The following RNF208 variants were observed in gnomAD, a reference collection of about 807,000 sequenced individuals.
The protein encoded by RNF208 is ring finger protein 208.
A neutral mutation model predicts 15.2 loss-of-function variants in RNF208; 7 were observed. That is an observed-to-expected ratio of 0.46 (90% confidence interval 0.26 to 0.86). RNF208 has a LOEUF of 0.86. Among genes scored for constraint, RNF208 ranks in the 40% least tolerant of loss-of-function variants. The probability of loss-of-function intolerance (pLI) is 0.16; values close to 1 mark genes in which losing one functional copy is unlikely to be tolerated. For missense variants in RNF208, 342 were observed against 364.1 expected, an observed-to-expected ratio of 0.94 and a Z score of 0.49; for synonymous variants, 211 against 163.2, an observed-to-expected ratio of 1.29 and a Z score of -2.23.
In RNF208 at chr9:137,220,934, T is replaced by C. The variant is rs1835855858; in HGVS notation, c.279A>G (p.Pro93=). The C allele has an allele frequency of 1.9e-6, 3 of 1,551,234 alleles. No individual in the cohort carries two copies. Among genetic ancestry groups the C allele is most frequent in the African/African-American group, 2.7e-5 (2 of 73,706 alleles). ...TTCCCTTACGGGGCCGCCGTGGCAGTGGCGGGGTATGGGGTGCCCCTTCCA... is the reference window on the plus strand; with the variant it reads ...TTCCCTTACGGGGCCGCCGTGGCAGCGGCGGGGTATGGGGTGCCCCTTCCA... ...PALEGAPHTP[P]LPRRPRKGSS... The change falls in exon 2 of 2, where the codon CCA becomes CCG. Residue 93 remains proline (P), a synonymous_variant. Coordinates refer to ENST00000391553, the MANE Select transcript of RNF208 (RefSeq NM_031297.7).
At chr9:137,223,303 C>A (rs979860356), upstream of RNF208, among the ~76,000 whole-genome samples, 2 of 152,212 alleles carry the variant, frequency 1.3e-5, no homozygotes, top group African/African-American at 4.8e-5. Context: ...GGGGCCCTGG[C>A]AAGATGGTGG....
chr9:137,220,996 T>C lies in RNF208; in HGVS notation c.217A>G (p.Ile73Val), dbSNP rs1477926375. 2 of 1,568,934 alleles carry C rather than the reference T, an allele frequency of 1.3e-6. No individual in the cohort carries two copies. The highest frequency in any genetic ancestry group is 2.3e-5 in the East Asian group (1 of 43,608). Reference protein sequence around the residue: ...KRAWPSDTEIIVNQACGGDMP... With the variant: ...KRAWPSDTEIVVNQACGGDMP... ...TCCCCCCCACAGGCCTGGTTGACAATGATCTCTGTGTCTGAGGGCCAGGCA... is the reference window on the plus strand; with the variant it reads ...TCCCCCCCACAGGCCTGGTTGACAACGATCTCTGTGTCTGAGGGCCAGGCA... The change falls in exon 2 of 2, where the codon ATT becomes GTT. Residue 73 changes from isoleucine (I) to valine (V), a missense_variant. Ile to Val is a conservative substitution (Grantham distance 29, BLOSUM62 3). This residue lies in a region of RNF208 where 207 missense variants were observed against 193.7 expected (regional missense o/e 1.07). Coordinates refer to ENST00000391553, the MANE Select transcript of RNF208 (RefSeq NM_031297.7).
chr9:137,221,024 C>G lies in RNF208; in HGVS notation c.189G>C (p.Lys63Asn), dbSNP rs1835858437. The G allele has an allele frequency of 6.3e-7, 1 of 1,586,532 alleles. No individual in the cohort carries two copies. Among genetic ancestry groups the G allele is most frequent in the Non-Finnish European group, 8.6e-7 (1 of 1,166,076 alleles). The change falls in exon 2 of 2, where the codon AAG becomes AAC. Residue 63 changes from lysine to asparagine, a missense_variant. Physicochemically the swap from Lys to Asn is moderately conservative, Grantham distance 94 (BLOSUM62 0). This residue lies in a region of RNF208 where 207 missense variants were observed against 193.7 expected (regional missense o/e 1.07). Transcript: ENST00000391553. ...TCTCTGTGTCTGAGGGCCAGGCACG[C>G]TTGGGTGCCAGAGTTGGGGTGGGCC... The part of the protein sequence containing the change: ...APRPTPTLAP[K>N]RAWPSDTEII...
chr9:137,220,827 G>A lies in RNF208; in HGVS notation c.386C>T (p.Ala129Val), dbSNP rs752555109. The A allele has an allele frequency of 1.2e-6, 2 of 1,607,760 alleles. No individual in the cohort carries two copies. Among genetic ancestry groups the A allele is most frequent in the Non-Finnish European group, 1.7e-6 (2 of 1,177,408 alleles). ...NQYVIRPGPS[A>V]SAASSAAAGE... ...TGCCGCCGCCGAAGAAGCCGCCGAG[G>A]CCGAGGGGCCAGGCCGAATCACGTA... Residue 129 changes from alanine (A) to valine (V), a missense_variant, in exon 2 of 2, where the codon GCC (alanine) becomes GTC (valine). Physicochemically the swap from Ala to Val is moderately conservative, Grantham distance 64. Coordinates refer to ENST00000391553, the MANE Select transcript of RNF208 (RefSeq NM_031297.7).
intron 1 of RNF208, among the ~76,000 whole-genome samples, 29 bp downstream of exon 1, chr9:137,221,960 C>T (rs1303346682): frequency 6.6e-6 from 1 of 152,066 alleles, no homozygotes; most frequent in African/African-American, 2.4e-5. Context: ...GCGCTGAGTC[C>T]GCCCCCGGCC....
Position 137,221,191 on chromosome 9 carries a change from C to G in RNF208, c.22G>C (p.Glu8Gln). Residue 8 changes from glutamate to glutamine, a missense_variant, in exon 2 of 2, where the codon GAG becomes CAG. Coordinates refer to ENST00000391553, the MANE Select transcript of RNF208 (RefSeq NM_031297.7). ...AGGCCCGGCCAGCCACTGCCCGCCT[C>G]GGGCCCGGGGTCAGAGGGCATCCGG... MPSDPGP[E>Q]AGSGWPGLLM... 1 of 1,242,088 alleles carries G rather than the reference C, an allele frequency of 8.1e-7. No individual in the cohort carries two copies. The highest frequency in any genetic ancestry group is 1.4e-5 in the South Asian group (1 of 73,010). The allele number at this position is 1,242,088 out of a possible 1,614,324, so 76.9% of individuals were successfully genotyped here.
In RNF208 at chr9:137,220,656, C is replaced by T; in HGVS notation, c.557G>A (p.Cys186Tyr). The T allele has an allele frequency of 1.2e-6, 2 of 1,612,538 alleles. No individual in the cohort carries two copies. The highest frequency in any genetic ancestry group is 1.7e-6 in the Non-Finnish European group (2 of 1,179,902). ...ESCPKYKFIS[C>Y]PTCRRETVLF... ...CACAGTCTCACGGCGGCAGGTGGGGCAGGAGATGAACTTGTACTTGGGGCA... is the reference window on the plus strand; with the variant it reads ...CACAGTCTCACGGCGGCAGGTGGGGTAGGAGATGAACTTGTACTTGGGGCA... Residue 186 changes from cysteine to tyrosine, a missense_variant, in exon 2 of 2, where the codon TGC (cysteine) becomes TAC (tyrosine). Coordinates refer to ENST00000391553, the MANE Select transcript of RNF208 (RefSeq NM_031297.7).
Position 137,221,084 on chromosome 9 carries a change from C to T in RNF208, c.129G>A (p.Glu43=). The T allele has an allele frequency of 1.2e-6, 2 of 1,605,396 alleles. No individual in the cohort carries two copies. Among genetic ancestry groups the T allele is most frequent in the Non-Finnish European group, 1.7e-6 (2 of 1,176,498 alleles). Residue 43 remains glutamate (E), a synonymous_variant, in exon 2 of 2, where the codon GAG becomes GAA. Transcript: ENST00000391553. ...MKIVHPEKFP[E]LPAAPCFPPA... ...GCGGGAAGCAGGGGGCAGCCGGTAG[C>T]TCAGGGAACTTTTCAGGGTGGACAA...
chr9:137,221,262 T>TGGGGGGGGGGGG lies in RNF208; in HGVS notation c.-51_-50insCCCCCCCCCCCC. On this transcript the variant is annotated 5_prime_UTR_variant, in exon 2 of 2. Coordinates refer to ENST00000391553, the MANE Select transcript of RNF208 (RefSeq NM_031297.7). ...TGTTCGGGTGGGTGGGGGCGTTGTGTGGGGCTGGGGGGCAGGTGACAGGGC... is the reference window on the plus strand; with the variant it reads ...TGTTCGGGTGGGTGGGGGCGTTGTGTGGGGGGGGGGGGGGGGCTGGGGGGCAGGTGACAGGGC... 1 of 114,902 alleles carries TGGGGGGGGGGGG rather than the reference T, an allele frequency of 8.7e-6. No homozygotes were observed. Among genetic ancestry groups the TGGGGGGGGGGGG allele is most frequent in the East Asian group, 1.3e-4 (1 of 7,470 alleles). The allele number at this position is 114,902 out of a possible 1,614,324, so 7.1% of individuals were successfully genotyped here. A position where few individuals can be genotyped will look rare whatever the true frequency, so the allele number is the denominator to read the frequency against.
In RNF208 at chr9:137,222,104, G is replaced by C. The variant is rs1447368033; in HGVS notation, c.-642C>G. Among the ~76,000 whole-genome samples the C allele has an allele frequency of 1.4e-5, 2 of 147,168 alleles. No individual in the cohort carries two copies. The highest frequency in any genetic ancestry group is 1.5e-5 in the Non-Finnish European group (1 of 66,182). On this transcript the variant is annotated 5_prime_UTR_variant, in exon 1 of 2. Transcript: ENST00000391553. ...CAGCTCGGGGGGCTCCGGCGGCTCC[G>C]GCGGCGGCCGCAGCGACCTCAGGCG...
chr9:137,221,196 C>T lies in RNF208; in HGVS notation c.17G>A (p.Gly6Glu). The change falls in exon 2 of 2, where the codon GGG becomes GAG. Residue 6 changes from glycine to glutamate, a missense_variant. Physicochemically the swap from Gly to Glu is moderately conservative, Grantham distance 98 (BLOSUM62 -2). This residue lies in a region of RNF208 where 207 missense variants were observed against 193.7 expected (regional missense o/e 1.07). Coordinates refer to ENST00000391553, the MANE Select transcript of RNF208 (RefSeq NM_031297.7). The part of the protein sequence containing the change: MPSDP[G>E]PEAGSGWPGL... ...CGGCCAGCCACTGCCCGCCTCGGGC[C>T]CGGGGTCAGAGGGCATCCGGCTGTC... 1 of 1,484,660 alleles carries T rather than the reference C, an allele frequency of 6.7e-7. No individual in the cohort carries two copies. 92.0% of individuals were successfully genotyped at this position (1,484,660 alleles called of 1,614,324 possible). A position where few individuals can be genotyped will look rare whatever the true frequency, so the allele number is the denominator to read the frequency against.
chr9:137,221,301 C>T lies in RNF208; in HGVS notation c.-89G>A, dbSNP rs910634269. ...AGGTGACAGGGCAGCATCCTGGTCC[C>T]GCCAGGCCTGGGGGGGGCCCCGGAC... On this transcript the variant is annotated 5_prime_UTR_variant, in exon 2 of 2. Transcript: ENST00000391553. 57 of 980,026 alleles carry T rather than the reference C, an allele frequency of 5.8e-5. No homozygotes were observed. The highest frequency in any genetic ancestry group is 1.2e-5 in the Non-Finnish European group (9 of 730,788). 60.7% of individuals were successfully genotyped at this position (980,026 alleles called of 1,614,324 possible). A position where few individuals can be genotyped will look rare whatever the true frequency, so the allele number is the denominator to read the frequency against.
upstream of RNF208, among the ~76,000 whole-genome samples, chr9:137,222,951 G>A (rs1835895357): frequency 6.6e-6 from 1 of 152,232 alleles, no homozygotes; most frequent in Non-Finnish European, 1.5e-5. Flanking sequence ...GCTGGTCACC[G>A]TGAGGCAGGG....
chr9:137,221,764 C>CA (rs1835874988), intron 1 of RNF208, among the ~76,000 whole-genome samples, 26 bp from the exon 2 acceptor site: 1 of 152,086 alleles, frequency 6.6e-6, no homozygotes, highest in Non-Finnish European at 1.5e-5. Context: ...GGCATGAGGG[C>CA]AGTGCCCCGG....
Position 137,222,089 on chromosome 9 carries a change from G to A in RNF208, c.-627C>T, listed in dbSNP as rs547262582. ...CGCGCCTCGGCCCGGCAGCTCGGGG[G>A]GCTCCGGCGGCTCCGGCGGCGGCCG... is the stretch of plus-strand genomic sequence containing the variant. On this transcript the variant is annotated 5_prime_UTR_variant, in exon 1 of 2. Coordinates refer to ENST00000391553, the MANE Select transcript of RNF208 (RefSeq NM_031297.7). 5.6e-3 allele frequency among the ~76,000 whole-genome samples: 826 copies of A among 147,358 alleles called. 13 individuals carry two copies. Among genetic ancestry groups the A allele is most frequent in the South Asian group, 0.045 (215 of 4,792 alleles).
At chr9:137,223,109 G>A (rs1835898007), upstream of RNF208, among the ~76,000 whole-genome samples, 1 of 152,278 alleles carries the variant, frequency 6.6e-6, no homozygotes, top group African/African-American at 2.4e-5. Flanking sequence ...GGCCTGCAGA[G>A]TGCTGAGCCC....
chr9:137,221,596 C>T lies in RNF208; in HGVS notation c.-384G>A, dbSNP rs994867000. On this transcript the variant is annotated 5_prime_UTR_variant, in exon 2 of 2. Coordinates refer to ENST00000391553, the MANE Select transcript of RNF208 (RefSeq NM_031297.7). ...GTCAGCAGGCCGCGGGCCGGGACAT[C>T]GGGGCAGGCAGGGGCTGGGTGGGCC... The T allele has an allele frequency of 7.4e-5, 13 of 176,244 alleles. No homozygotes were observed. The highest frequency in any genetic ancestry group is 3.1e-4 in the African/African-American group (13 of 41,988). 10.9% of individuals were successfully genotyped at this position (176,244 alleles called of 1,614,324 possible). A position where few individuals can be genotyped will look rare whatever the true frequency, so the allele number is the denominator to read the frequency against.
At position 137,221,230 on chromosome 9, in the gene RNF208, G is replaced by C; in HGVS notation, c.-18C>G. On this transcript the variant is annotated 5_prime_UTR_variant, in exon 2 of 2. Coordinates refer to ENST00000391553, the MANE Select transcript of RNF208 (RefSeq NM_031297.7). ...GAGGGCATCCGGCTGTCTCCAGTCAGACTGGATGTTCGGGTGGGTGGGGGC... is the reference window on the plus strand; with the variant it reads ...GAGGGCATCCGGCTGTCTCCAGTCACACTGGATGTTCGGGTGGGTGGGGGC... 2 of 1,156,476 alleles carry C rather than the reference G, an allele frequency of 1.7e-6. No homozygotes were observed. Among genetic ancestry groups the C allele is most frequent in the Non-Finnish European group, 2.2e-6 (2 of 908,172 alleles). The allele number at this position is 1,156,476 out of a possible 1,614,324, so 71.6% of individuals were successfully genotyped here.
Position 137,220,325 on chromosome 9 carries a change from C to T in RNF208, c.*102G>A. 1 of 1,292,062 alleles carries T rather than the reference C, an allele frequency of 7.7e-7. No individual in the cohort carries two copies. The allele number at this position is 1,292,062 out of a possible 1,614,324, so 80.0% of individuals were successfully genotyped here. ...ATGCCACTCGGGGTGGGGCCGGAAGCCATGGTGGGGAAGGAAGGGTCAGCG... is the reference window on the plus strand; with the variant it reads ...ATGCCACTCGGGGTGGGGCCGGAAGTCATGGTGGGGAAGGAAGGGTCAGCG... On this transcript the variant is annotated 3_prime_UTR_variant, in exon 2 of 2. Coordinates refer to ENST00000391553, the MANE Select transcript of RNF208 (RefSeq NM_031297.7).
Sources: allele counts gnomAD v4.1 joint callset (sites outside exome capture counted in the v4.1 genomes callset), GRCh38; gene constraint gnomAD v4.1.1; regional missense constraint gnomAD v4.1.1; transcripts MANE v1.5; gene names NCBI Gene and HGNC (gene_info 2026-07-23, HGNC 2026-07-21).